SLC4A4: variants seen among roughly 807,000 people sequenced by gnomAD.
SLC4A4 encodes the protein solute carrier family 4 member 4.
A neutral mutation model predicts 111.5 loss-of-function variants in SLC4A4; 27 were observed. That is an observed-to-expected ratio of 0.24 (90% CI 0.18 to 0.33). SLC4A4 has a LOEUF of 0.33. SLC4A4 is among the 10% of genes least tolerant of loss of function. SLC4A4 has a pLI of 1.00. For synonymous variants in SLC4A4, 443 were observed against 463.4 expected (o/e 0.96, Z 0.57); for missense variants, 909 against 1,315.5 (o/e 0.69, Z 4.78).
At chr4:71,311,118 G>A (rs540007019) in intron 3 of SLC4A4, among the ~76,000 whole-genome samples, 2 of 152,194 alleles carry the variant, frequency 1.3e-5, no homozygotes, top group African/African-American at 4.8e-5. Flanking sequence ...TAATGGTAAA[G>A]GGATCAATGC....
intron 6 of SLC4A4, among the ~76,000 whole-genome samples, chr4:71,376,032 C>CAT (rs1560452509): frequency 6.7e-6 from 1 of 150,018 alleles, no homozygotes; most frequent in Non-Finnish European, 1.5e-5. Context: ...ACCAAAACTA[C>CAT]ATATATATAC....
At chr4:71,448,962 T>G (rs1725513903) in intron 9 of SLC4A4, among the ~76,000 whole-genome samples, 1 of 152,246 alleles carries the variant, frequency 6.6e-6, no homozygotes, top group Non-Finnish European at 1.5e-5. Flanking sequence ...ATTTTATTTT[T>G]TGCATTTTTG....
At chr4:71,475,617 A>G (rs4380494) in intron 14 of SLC4A4, among the ~76,000 whole-genome samples, 40,516 of 151,802 alleles carry the variant, frequency 0.27, 7,531 homozygotes, top group East Asian at 0.59. Flanking sequence ...CTGTCACAGG[A>G]CTTTGAAGTC....
At chr4:71,125,239 G>C (rs545064832) in intron 2 of SLC4A4, among the ~76,000 whole-genome samples, 1 of 152,202 alleles carries the variant, frequency 6.6e-6, no homozygotes, top group African/African-American at 2.4e-5. Context: ...AAAAGGCCAA[G>C]GTGTTACTTT....
chr4:71,292,408 A>G, intron 3 of SLC4A4, among the ~76,000 whole-genome samples: 1 of 152,174 alleles, frequency 6.6e-6, no homozygotes, highest in South Asian at 2.1e-4. Flanking sequence ...CTAGGAAGTA[A>G]GGAGGGACTA....
chr4:71,470,565 T>C (rs921436238), intron 13 of SLC4A4, among the ~76,000 whole-genome samples: 41 of 152,168 alleles, frequency 2.7e-4, no homozygotes, highest in African/African-American at 9.6e-4. Context: ...TGATTTAACT[T>C]CCATTGGTCT....
chr4:71,378,664 T>C lies in SLC4A4; in HGVS notation c.731-18913T>C, dbSNP rs148604000. ...GAGACAGAAGGAAAAGCAAATGCAG[T>C]ATTCCAGCTACAGATATCAATTTCA... On this transcript the variant is annotated intron_variant, in intron 6 of 25. Coordinates refer to ENST00000264485, the MANE Select transcript of SLC4A4 (RefSeq NM_001098484.3). 3.9e-3 allele frequency among the ~76,000 whole-genome samples: 598 copies of C among 152,344 alleles called. 1 individual carries two copies. Among genetic ancestry groups the C allele is most frequent in the Non-Finnish European group, 7.2e-3 (488 of 68,024 alleles).
At chr4:71,352,474 C>T (rs946580257) in intron 5 of SLC4A4, among the ~76,000 whole-genome samples, 1 of 152,158 alleles carries the variant, frequency 6.6e-6, no homozygotes, top group African/African-American at 2.4e-5. Context: ...TATACTTACT[C>T]TATGGGAAGA....
intron 14 of SLC4A4, among the ~76,000 whole-genome samples, chr4:71,480,269 G>C (rs1002985999): frequency 1.3e-5 from 2 of 151,378 alleles, no homozygotes; most frequent in African/African-American, 2.4e-5. Flanking sequence ...TGTGAAGAGT[G>C]CCTGTAGATT....
chr4:71,228,370 G>T (rs931445415), intron 1 of SLC4A4, among the ~76,000 whole-genome samples: 1 of 152,166 alleles, frequency 6.6e-6, no homozygotes, highest in Non-Finnish European at 1.5e-5. Context: ...CCGTGCATTT[G>T]CTCATGAGAC....
rs547538044 is a variant in SLC4A4 at position 71,169,489 on chromosome 4, T to C, written c.-1-67087T>C. Among the ~76,000 whole-genome samples the C allele has an allele frequency of 1.1e-4, 17 of 152,300 alleles. No homozygotes were observed. The East Asian group carries it at 3.3e-3, about 29-fold the overall frequency. On this transcript the variant is annotated intron_variant, in intron 2 of 26. Coordinates refer to the SLC4A4 transcript ENST00000649996. ...CCTTTTCATATACCTGTTTGCCATCTGTGTGTCTTCTTTTGAGAAAAGTGT... is the reference window on the plus strand; with the variant it reads ...CCTTTTCATATACCTGTTTGCCATCCGTGTGTCTTCTTTTGAGAAAAGTGT...
At chr4:71,211,533 G>A (rs1718129738) in intron 1 of SLC4A4, among the ~76,000 whole-genome samples, 1 of 152,174 alleles carries the variant, frequency 6.6e-6, no homozygotes, top group Non-Finnish European at 1.5e-5. Context: ...GAATATACCA[G>A]TTTTTAGGAG....
chr4:71,400,133 C>T (rs1327543342), intron 7 of SLC4A4, among the ~76,000 whole-genome samples: 1 of 152,112 alleles, frequency 6.6e-6, no homozygotes, highest in Non-Finnish European at 1.5e-5. Context: ...TGATGGAGTT[C>T]TTGAGGAAGC....
chr4:71,127,595 A>T (rs1005457549), intron 2 of SLC4A4, among the ~76,000 whole-genome samples: 23 of 152,210 alleles, frequency 1.5e-4, no homozygotes, highest in African/African-American at 5.3e-4. Flanking sequence ...TCTCATTAAA[A>T]ATATTTATTT....
intron 2 of SLC4A4, among the ~76,000 whole-genome samples, chr4:71,128,347 C>T (rs1469279642): frequency 2.0e-5 from 3 of 152,082 alleles, no homozygotes; most frequent in East Asian, 1.9e-4. Context: ...AGGAAAGACC[C>T]GCCCCCATGA....
intron 7 of SLC4A4, among the ~76,000 whole-genome samples, chr4:71,402,318 T>C (rs1720442705): frequency 6.6e-6 from 1 of 152,196 alleles, no homozygotes; most frequent in Non-Finnish European, 1.5e-5. Context: ...CCAAGTCCAC[T>C]GAGATGACTT....
intron 16 of SLC4A4, among the ~76,000 whole-genome samples, chr4:71,528,524 A>C (rs1435308395): frequency 6.6e-6 from 1 of 152,124 alleles, no homozygotes; most frequent in African/African-American, 2.4e-5. Context: ...TGGAAAATCA[A>C]TATAACATTC....
intron 1 of SLC4A4, among the ~76,000 whole-genome samples, chr4:71,200,859 C>T (rs1746219098): frequency 6.6e-6 from 1 of 151,344 alleles, no homozygotes; most frequent in South Asian, 2.1e-4. Flanking sequence ...CCACGAATAT[C>T]TGGGGGGCTT....
At chr4:71,504,669 G>C (rs1188273870) in intron 16 of SLC4A4, among the ~76,000 whole-genome samples, 2 of 143,600 alleles carry the variant, frequency 1.4e-5, no homozygotes, top group African/African-American at 2.5e-5. Context: ...TTCATGGGGG[G>C]GGGGGTGTTA....
Sources: allele counts gnomAD v4.1 joint callset (sites outside exome capture counted in the v4.1 genomes callset), GRCh38; gene constraint gnomAD v4.1.1; transcripts MANE v1.5; gene names NCBI Gene and HGNC (gene_info 2026-07-23, HGNC 2026-07-21).